The following FHIT variants were observed in gnomAD, a reference collection of about 807,000 sequenced individuals.
FHIT encodes the protein bis(5'-adenosyl)-triphosphatase.
A neutral mutation model predicts 17.9 loss-of-function variants in FHIT; 19 were observed. The observed-to-expected ratio is 1.06, with a 90% confidence interval of 0.74 to 1.56. The LOEUF (loss-of-function observed/expected upper bound fraction) is 1.56. FHIT is among the 40% of genes most tolerant of loss of function. The probability of loss-of-function intolerance (pLI) is 0.00; values close to 1 mark genes in which losing one functional copy is unlikely to be tolerated. For synonymous variants in FHIT, 81 were observed against 69.7 expected, an observed-to-expected ratio of 1.16 and a Z score of -0.81; for missense variants, 248 against 189.2, an observed-to-expected ratio of 1.31 and a Z score of -1.82.
chr3:59,817,970 A>G (rs954347679), intron 8 of FHIT, among the ~76,000 whole-genome samples: 4 of 152,048 alleles, frequency 2.6e-5, no homozygotes, highest in Non-Finnish European at 5.9e-5. Context: ...GAAAGAGAGG[A>G]AGGGAGGGAG....
At chr3:59,855,967 G>C (rs1263371623) in intron 8 of FHIT, among the ~76,000 whole-genome samples, 2 of 151,842 alleles carry the variant, frequency 1.3e-5, no homozygotes, top group African/African-American at 2.4e-5. Flanking sequence ...ATTTTTAGTA[G>C]AGACGTGGTT....
chr3:60,173,503 C>A (rs1394690750), intron 5 of FHIT, among the ~76,000 whole-genome samples: 1 of 152,074 alleles, frequency 6.6e-6, no homozygotes, highest in Non-Finnish European at 1.5e-5. Context: ...GTATGAACAG[C>A]CACCATCCTT....
At chr3:60,645,016 C>T (rs975179564) in intron 4 of FHIT, among the ~76,000 whole-genome samples, 3 of 152,046 alleles carry the variant, frequency 2.0e-5, no homozygotes, top group Non-Finnish European at 4.4e-5. Context: ...GCAGAGGTTT[C>T]CTGTTGGGTT....
chr3:59,848,857 A>G (rs960156740), intron 8 of FHIT, among the ~76,000 whole-genome samples: 2 of 152,186 alleles, frequency 1.3e-5, no homozygotes, highest in Non-Finnish European at 2.9e-5. Context: ...AAAAGATCTC[A>G]TTTCAGAGTC....
chr3:60,934,608 C>T (rs73838628), intron 3 of FHIT, among the ~76,000 whole-genome samples: 130 of 152,258 alleles, frequency 8.5e-4, no homozygotes, highest in African/African-American at 3.1e-3. Flanking sequence ...CTCAAAAGTA[C>T]TTTATGAGGT....
intron 7 of FHIT, among the ~76,000 whole-genome samples, chr3:59,940,375 A>G (rs62238352): frequency 0.12 from 18,821 of 152,176 alleles, 1,370 homozygotes; most frequent in African/African-American, 0.18. Flanking sequence ...GGACTTTACC[A>G]TTGTTTTAAA....
At chr3:60,371,953 A>G (rs181515116) in intron 5 of FHIT, among the ~76,000 whole-genome samples, 4 of 152,092 alleles carry the variant, frequency 2.6e-5, no homozygotes, top group Admixed American at 2.0e-4. Flanking sequence ...AATCTTCACA[A>G]TTATGTAAAA....
intron 3 of FHIT, among the ~76,000 whole-genome samples, chr3:60,912,961 T>C (rs1287567284): frequency 1.3e-5 from 2 of 152,214 alleles, no homozygotes; most frequent in Admixed American, 6.5e-5. Flanking sequence ...CACTCTACTT[T>C]AGAGGGCCAC....
chr3:59,834,378 C>A (rs12492524), intron 8 of FHIT, among the ~76,000 whole-genome samples: 1 of 151,892 alleles, frequency 6.6e-6, no homozygotes, highest in African/African-American at 2.4e-5. Flanking sequence ...AATAGACAGA[C>A]AGACAGATAG....
intron 5 of FHIT, among the ~76,000 whole-genome samples, chr3:60,362,621 T>C (rs1340865412): frequency 6.6e-6 from 1 of 152,222 alleles, no homozygotes; most frequent in African/African-American, 2.4e-5. Flanking sequence ...TGAGATACAT[T>C]TTTATCATGT....
At chr3:59,762,675 C>T in intron 8 of FHIT, among the ~76,000 whole-genome samples, 1 of 152,212 alleles carries the variant, frequency 6.6e-6, no homozygotes, top group East Asian at 1.9e-4. Flanking sequence ...GAAAGCAAAA[C>T]TAACACTGCA....
intron 5 of FHIT, among the ~76,000 whole-genome samples, chr3:60,488,704 A>G (rs2033943264): frequency 6.6e-6 from 1 of 152,200 alleles, no homozygotes; most frequent in Admixed American, 6.5e-5. Flanking sequence ...CCTAGTATAC[A>G]TAAATATTTA....
chr3:59,960,110 T>C (rs1312995311), intron 7 of FHIT, among the ~76,000 whole-genome samples: 6 of 151,700 alleles, frequency 4.0e-5, no homozygotes, highest in Non-Finnish European at 8.8e-5. Context: ...ACTGAAAAAT[T>C]TGAGAGAGAG....
chr3:59,813,820 A>T (rs1700493009), intron 8 of FHIT, among the ~76,000 whole-genome samples: 1 of 152,092 alleles, frequency 6.6e-6, no homozygotes, highest in African/African-American at 2.4e-5. Context: ...AAACAGCTAG[A>T]TAAGTCATTG....
intron 5 of FHIT, among the ~76,000 whole-genome samples, chr3:60,140,515 G>A (rs1399712891): frequency 6.6e-6 from 1 of 151,748 alleles, no homozygotes; most frequent in Non-Finnish European, 1.5e-5. Context: ...CATGAGACAA[G>A]GTGTCCAAAG....
intron 3 of FHIT, among the ~76,000 whole-genome samples, chr3:60,824,777 G>A (rs782753003): frequency 2.6e-5 from 4 of 152,124 alleles, no homozygotes; most frequent in Non-Finnish European, 5.9e-5. Context: ...GAGTCTCTCT[G>A]CACAAGCTCT....
chr3:60,112,216 T>C (rs13088112), intron 5 of FHIT, among the ~76,000 whole-genome samples: 37,555 of 152,066 alleles, frequency 0.25, 5,742 homozygotes, highest in Non-Finnish European at 0.35. Context: ...GGGCTGAAAG[T>C]ACAACTCTAG....
chr3:60,929,713 C>T (rs190739793), intron 3 of FHIT, among the ~76,000 whole-genome samples: 14 of 152,212 alleles, frequency 9.2e-5, no homozygotes, highest in East Asian at 3.9e-4. Flanking sequence ...AAATAAAAGA[C>T]GATACAAACA....
intron 5 of FHIT, among the ~76,000 whole-genome samples, chr3:60,194,121 C>G (rs1302294861): frequency 6.6e-6 from 1 of 151,944 alleles, no homozygotes; most frequent in Non-Finnish European, 1.5e-5. Context: ...CAAAAAGAGC[C>G]CAAATAGCCA....
Sources: allele counts gnomAD v4.1 joint callset (sites outside exome capture counted in the v4.1 genomes callset), GRCh38; gene constraint gnomAD v4.1.1; transcripts MANE v1.5; gene names NCBI Gene and HGNC (gene_info 2026-07-23, HGNC 2026-07-21).